The following FGF14 variants were observed in gnomAD, a reference collection of about 807,000 sequenced individuals.
FGF14 encodes fibroblast growth factor homologous factor 4.
In FGF14, 5 loss-of-function variants were observed where a neutral mutation model predicts 25.5. The observed-to-expected ratio is 0.20, with a 90% CI of 0.10 to 0.41. The LOEUF (loss-of-function observed/expected upper bound fraction) is 0.41. Among genes scored for constraint, FGF14 ranks in the 10% least tolerant of loss-of-function variants. The pLI is 1.00. For synonymous variants in FGF14, 138 were observed against 118.3 expected, an observed-to-expected ratio of 1.17 and a Z score of -1.08; for missense variants, 222 against 320.1, an observed-to-expected ratio of 0.69 and a Z score of 2.34.
intron 1 of FGF14, among the ~76,000 whole-genome samples, chr13:102,066,501 C>T (rs185494176): frequency 3.9e-5 from 6 of 152,262 alleles, no homozygotes; most frequent in Admixed American, 2.6e-4. Context: ...ATGGATTTTT[C>T]AGCATCAAAT....
chr13:101,945,878 A>G (rs991923178), intron 1 of FGF14, among the ~76,000 whole-genome samples: 29 of 152,282 alleles, frequency 1.9e-4, no homozygotes, highest in Admixed American at 4.6e-4. Context: ...GGGCAAGATG[A>G]CCTTTAATTG....
In FGF14 at chr13:102,293,354, G is replaced by A. The variant is rs184310277; in HGVS notation, c.208+108117C>T. 8.3e-4 allele frequency: 127 copies of A among 152,296 alleles called. 1 individual carries two copies. Among genetic ancestry groups the A allele is most frequent in the African/African-American group, 3.0e-3 (126 of 41,556 alleles). The allele number at this position is 152,296 out of a possible 1,614,324, so 9.4% of individuals were successfully genotyped here. A position where few individuals can be genotyped will look rare whatever the true frequency, so the allele number is the denominator to read the frequency against. On this transcript the variant is annotated intron_variant, in intron 1 of 4. Coordinates refer to the FGF14 transcript ENST00000376131. ...CTCTCAAAAAATGACAAATCTTCCTGATGGAATTTGTCTTTTAATTGTCTT... is the reference window on the plus strand; with the variant it reads ...CTCTCAAAAAATGACAAATCTTCCTAATGGAATTTGTCTTTTAATTGTCTT...
intron 1 of FGF14, among the ~76,000 whole-genome samples, chr13:102,019,810 G>C (rs7988062): frequency 0.018 from 2,699 of 152,238 alleles, 91 homozygotes; most frequent in African/African-American, 0.062. Flanking sequence ...GGGAGAGGCA[G>C]AATTGTCCTT....
chr13:101,769,341 C>T (rs1297366059), intron 3 of FGF14, among the ~76,000 whole-genome samples: 1 of 134,692 alleles, frequency 7.4e-6, no homozygotes, highest in Non-Finnish European at 1.6e-5. Flanking sequence ...CTCTCATTCA[C>T]TGCTGGTGGG....
intron 1 of FGF14, among the ~76,000 whole-genome samples, chr13:101,943,623 G>A (rs572372506): frequency 4.6e-5 from 7 of 152,086 alleles, no homozygotes; most frequent in Admixed American, 1.3e-4. Context: ...CCACTTACCC[G>A]CTGCATGCAT....
intron 1 of FGF14, among the ~76,000 whole-genome samples, chr13:102,284,571 T>C (rs2054002582): frequency 6.6e-6 from 1 of 152,188 alleles, no homozygotes; most frequent in Non-Finnish European, 1.5e-5. Context: ...ATTTTTTTAC[T>C]CTAAAATTTT....
chr13:102,089,445 A>G (rs1338867251), intron 1 of FGF14, among the ~76,000 whole-genome samples: 1 of 152,206 alleles, frequency 6.6e-6, no homozygotes, highest in African/African-American at 2.4e-5. Context: ...GTGTGACTAT[A>G]AGAAGCACTA....
intron 1 of FGF14, among the ~76,000 whole-genome samples, chr13:102,361,793 A>T (rs1380805431): frequency 6.6e-6 from 1 of 152,204 alleles, no homozygotes; most frequent in African/African-American, 2.4e-5. Flanking sequence ...TGTTCCTTGT[A>T]TTCATTAGGT....
At chr13:101,875,436 T>A (rs1019248669) in intron 1 of FGF14, 140 bp from the exon 2 acceptor site, 2 of 688,448 alleles carry the variant, frequency 2.9e-6, no homozygotes, top group Non-Finnish European at 2.6e-6. Context: ...GATTCTTCTG[T>A]GTTTTATCAA....
At chr13:102,394,676 CCGGTCCCCGTGAGCAGAGGGCAG>C (rs1232562791) in intron 1 of FGF14, 1 of 152,286 alleles carries the variant, frequency 6.6e-6, no homozygotes, top group Non-Finnish European at 1.5e-5. Context: ...GCGGTGATGG[CCGGTCCCCGTGAGCAGAGGGCAG>C]CGGCGGCGGG....
intron 3 of FGF14, among the ~76,000 whole-genome samples, chr13:101,834,469 T>C (rs147515803): frequency 1.5e-3 from 223 of 152,204 alleles, no homozygotes; most frequent in Non-Finnish European, 2.0e-3. Context: ...AGCAGTTTCA[T>C]TAAATTCAGT....
intron 1 of FGF14, among the ~76,000 whole-genome samples, chr13:101,952,774 T>C (rs576702937): frequency 6.6e-6 from 1 of 152,338 alleles, no homozygotes; most frequent in East Asian, 1.9e-4. Flanking sequence ...CCCACGCCTT[T>C]AATCCCAGCA....
intron 3 of FGF14, among the ~76,000 whole-genome samples, chr13:101,850,594 T>C (rs1221880267): frequency 1.5e-5 from 2 of 131,306 alleles, no homozygotes; most frequent in Non-Finnish European, 3.2e-5. Context: ...TTATATATTA[T>C]ATAATTCTAT....
chr13:102,343,680 G>A (rs545176767), intron 1 of FGF14, among the ~76,000 whole-genome samples: 1 of 152,160 alleles, frequency 6.6e-6, no homozygotes, highest in East Asian at 1.9e-4. Context: ...GAATTCTATG[G>A]GTCAAAACTT....
intron 1 of FGF14, among the ~76,000 whole-genome samples, chr13:102,258,373 T>G (rs1170421366): frequency 6.6e-6 from 1 of 151,996 alleles, no homozygotes; most frequent in African/African-American, 2.4e-5. Flanking sequence ...CAAGCGACCA[T>G]GGAGGTCGCT....
intron 3 of FGF14, among the ~76,000 whole-genome samples, chr13:101,788,808 T>C (rs1173502260): frequency 1.3e-5 from 2 of 148,156 alleles, no homozygotes; most frequent in African/African-American, 2.5e-5. Flanking sequence ...TGCCCTTTTT[T>C]CCCAGGATTC....
chr13:101,945,857 C>T (rs958856771), intron 1 of FGF14, among the ~76,000 whole-genome samples: 8 of 152,174 alleles, frequency 5.3e-5, no homozygotes, highest in African/African-American at 1.9e-4. Context: ...TGTTGCCCTC[C>T]ATGGTGGCAT....
chr13:101,971,805 A>G (rs1359939521), intron 1 of FGF14, among the ~76,000 whole-genome samples: 1 of 152,268 alleles, frequency 6.6e-6, no homozygotes, highest in African/African-American at 2.4e-5. Context: ...GTAAAACACG[A>G]AAGTTATTTT....
Position 102,253,727 on chromosome 13 carries a change from T to A in FGF14, c.208+147744A>T, listed in dbSNP as rs1366777210. Among the ~76,000 whole-genome samples, 3 of 152,140 alleles carry A rather than the reference T, an allele frequency of 2.0e-5. No individual in the cohort carries two copies. The East Asian group carries it at 5.8e-4, about 29-fold the overall frequency. ...GTACTCTTACTCTTTATGGGTTTTT[T>A]TCCCCCACATATTTTCGATCTGTGG... is the stretch of plus-strand genomic sequence containing the variant. On this transcript the variant is annotated intron_variant, in intron 1 of 4. Transcript: ENST00000376131.
Sources: gnomAD v4.1 joint callset for allele counts (sites outside exome capture counted in the v4.1 genomes callset) on GRCh38, gnomAD v4.1.1 for gene constraint, MANE v1.5 for transcripts, NCBI Gene and HGNC (gene_info 2026-07-23, HGNC 2026-07-21) for gene names.